Variants in ZNF804B observed in about 807,000 individuals in gnomAD.
The protein encoded by ZNF804B is zinc finger 804B.
In ZNF804B, 80 loss-of-function variants were observed where a neutral mutation model predicts 101.4. The ratio of observed to expected loss-of-function variants is 0.79; its 90% CI spans 0.66 to 0.95. ZNF804B has a LOEUF of 0.95. ZNF804B is among the 40% of genes least tolerant of loss of function. The pLI, the probability that ZNF804B is intolerant of heterozygous loss-of-function variation, is 0.00. For synonymous variants in ZNF804B, 622 were observed against 558.8 expected (o/e 1.11, Z -1.59); for missense variants, 1,673 against 1,561.9 (o/e 1.07, Z -1.20).
chr7:88,850,251 C>T (rs1033862804), intron 1 of ZNF804B, among the ~76,000 whole-genome samples: 2 of 152,040 alleles, frequency 1.3e-5, no homozygotes, highest in Non-Finnish European at 2.9e-5. Context: ...TTTCCAGGCA[C>T]AACATGGGGA....
intron 1 of ZNF804B, among the ~76,000 whole-genome samples, chr7:88,992,891 T>A (rs1346763174): frequency 6.6e-6 from 1 of 152,012 alleles, no homozygotes; most frequent in Non-Finnish European, 1.5e-5. Context: ...TTCTCAGAGT[T>A]CACAGTTACC....
chr7:89,231,426 G>A (rs73705781), intron 2 of ZNF804B, among the ~76,000 whole-genome samples: 2,161 of 152,058 alleles, frequency 0.014, 60 homozygotes, highest in African/African-American at 0.05. Flanking sequence ...TTGTCATAGC[G>A]ATTCTAAGTC....
At chr7:88,814,072 A>G (rs1345553202) in intron 1 of ZNF804B, among the ~76,000 whole-genome samples, 1 of 152,170 alleles carries the variant, frequency 6.6e-6, no homozygotes, top group Non-Finnish European at 1.5e-5. Context: ...TGATATTTAT[A>G]GTACTTATTT....
chr7:88,967,984 G>A (rs577250095), intron 1 of ZNF804B, among the ~76,000 whole-genome samples: 1 of 151,438 alleles, frequency 6.6e-6, no homozygotes, highest in African/African-American at 2.4e-5. Flanking sequence ...TAATTTAACT[G>A]GACACTGCCT....
chr7:88,968,644 T>A (rs938371033), intron 1 of ZNF804B, among the ~76,000 whole-genome samples: 1 of 151,622 alleles, frequency 6.6e-6, no homozygotes, highest in African/African-American at 2.4e-5. Context: ...TCAATGCAGT[T>A]ATGGAAGAAT....
At chr7:89,041,527 T>C (rs976264330) in intron 1 of ZNF804B, among the ~76,000 whole-genome samples, 2 of 152,154 alleles carry the variant, frequency 1.3e-5, no homozygotes, top group Non-Finnish European at 2.9e-5. Flanking sequence ...CCTGGGCTCA[T>C]GTGATTGAGT....
intron 1 of ZNF804B, among the ~76,000 whole-genome samples, chr7:88,913,616 G>A (rs1209153654): frequency 6.6e-6 from 1 of 152,034 alleles, no homozygotes; most frequent in African/African-American, 2.4e-5. Context: ...GGCTGGTCTC[G>A]AAATCCTGAC....
intron 1 of ZNF804B, among the ~76,000 whole-genome samples, chr7:88,837,310 T>G (rs913015805): frequency 6.6e-6 from 1 of 151,988 alleles, no homozygotes; most frequent in Admixed American, 6.6e-5. Context: ...AGTGATAAAA[T>G]TGAAGCTGTC....
At chr7:88,971,654 G>A (rs544236310) in intron 1 of ZNF804B, among the ~76,000 whole-genome samples, 1 of 151,566 alleles carries the variant, frequency 6.6e-6, no homozygotes, top group Non-Finnish European at 1.5e-5. Flanking sequence ...TGTAACCTAA[G>A]ATAAAAATTG....
chr7:89,324,127 G>GTTGGCTATTTTT (rs1790863170), intron 2 of ZNF804B, among the ~76,000 whole-genome samples: 1 of 151,998 alleles, frequency 6.6e-6, no homozygotes, highest in African/African-American at 2.4e-5. Flanking sequence ...TTGGTGTAAC[G>GTTGGCTATTTTT]TTTTCCGTAA....
chr7:88,996,535 A>C (rs1328619392), intron 1 of ZNF804B, among the ~76,000 whole-genome samples: 2 of 152,022 alleles, frequency 1.3e-5, no homozygotes, highest in African/African-American at 2.4e-5. Flanking sequence ...CTTTGTCTTT[A>C]CCATGTGTAC....
intron 2 of ZNF804B, among the ~76,000 whole-genome samples, chr7:89,220,537 C>T (rs1163890753): frequency 1.3e-5 from 2 of 151,876 alleles, no homozygotes; most frequent in Non-Finnish European, 2.9e-5. Context: ...TTTATACCAT[C>T]ATCGCTCACC....
At chr7:88,922,338 C>A (rs1386287431) in intron 1 of ZNF804B, among the ~76,000 whole-genome samples, 1 of 151,962 alleles carries the variant, frequency 6.6e-6, no homozygotes, top group African/African-American at 2.4e-5. Flanking sequence ...GAGATTTCAA[C>A]TAAAAGACAT....
intron 2 of ZNF804B, among the ~76,000 whole-genome samples, chr7:89,284,782 A>G (rs974685115): frequency 3.3e-5 from 5 of 152,174 alleles, no homozygotes; most frequent in East Asian, 1.9e-4. Context: ...AGCTAATTTA[A>G]TGCTAACAAA....
At chr7:89,127,675 G>A (rs1045523612) in intron 1 of ZNF804B, among the ~76,000 whole-genome samples, 3 of 151,662 alleles carry the variant, frequency 2.0e-5, no homozygotes, top group African/African-American at 7.2e-5. Flanking sequence ...TCATGTTACT[G>A]AATAAAATAT....
At chr7:88,974,979 A>T (rs1334635487) in intron 1 of ZNF804B, among the ~76,000 whole-genome samples, 1 of 151,294 alleles carries the variant, frequency 6.6e-6, no homozygotes, top group East Asian at 2.0e-4. Flanking sequence ...TACCTCCAGC[A>T]GTTCTATTGT....
chr7:88,997,133 T>C (rs1428646672), intron 1 of ZNF804B, among the ~76,000 whole-genome samples: 1 of 152,142 alleles, frequency 6.6e-6, no homozygotes, highest in East Asian at 1.9e-4. Flanking sequence ...TGTTCCAAAC[T>C]ATGAATAAAG....
intron 1 of ZNF804B, among the ~76,000 whole-genome samples, chr7:88,904,501 G>A (rs1299019687): frequency 1.3e-5 from 2 of 152,010 alleles, no homozygotes; most frequent in African/African-American, 2.4e-5. Context: ...TACATTGATA[G>A]CTTGATAGAA....
Position 89,156,011 on chromosome 7 carries a change from C to CTT in ZNF804B, c.109-62143_109-62142insTT, listed in dbSNP as rs1326532496. Among the ~76,000 whole-genome samples the CTT allele has an allele frequency of 5.2e-3, 522 of 99,596 alleles. 5 individuals carry two copies. Among genetic ancestry groups the CTT allele is most frequent in the East Asian group, 0.027 (110 of 4,002 alleles). 65.3% of individuals were successfully genotyped at this position (99,596 alleles called of 152,430 possible). A position where few individuals can be genotyped will look rare whatever the true frequency, so the allele number is the denominator to read the frequency against. On this transcript the variant is annotated intron_variant, in intron 1 of 3. Transcript: ENST00000333190. ...CCTTTCCTTCTTTCTTTCTTTCTTTCTCTCTTTCCTTTCTTTCTTTCTTTC... is the reference window on the plus strand; with the variant it reads ...CCTTTCCTTCTTTCTTTCTTTCTTTCTTTCTCTTTCCTTTCTTTCTTTCTTTC...
Sources: gnomAD v4.1 joint callset for allele counts (sites outside exome capture counted in the v4.1 genomes callset) on GRCh38, gnomAD v4.1.1 for gene constraint, MANE v1.5 for transcripts, NCBI Gene and HGNC (gene_info 2026-07-23, HGNC 2026-07-21) for gene names.